The following NRCAM variants were observed in gnomAD, a reference collection of about 807,000 sequenced individuals.
NRCAM encodes NgCAM-related cell adhesion molecule.
A neutral mutation model predicts 156.5 loss-of-function variants in NRCAM; 83 were observed. The observed-to-expected ratio is 0.53, with a 90% CI of 0.44 to 0.64. The LOEUF (loss-of-function observed/expected upper bound fraction) is 0.64. Among genes scored for constraint, NRCAM ranks in the 30% least tolerant of loss-of-function variants. NRCAM has a pLI of 0.00. For missense variants in NRCAM, 1,417 were observed against 1,597.3 expected (o/e 0.89, Z 1.92); for synonymous variants, 538 against 563.9 (o/e 0.95, Z 0.65).
rs150391025 is a variant in NRCAM, at chr7:108,282,367, C to A, written c.-107+30298G>T. ...AAAGAAAGAAATCTATACACATTTT[C>A]TTTCTGGAGACATGATTACCAGAAA... is the stretch of plus-strand genomic sequence containing the variant. On this transcript the variant is annotated intron_variant, in intron 3 of 32. Transcript: ENST00000379028. Among the ~76,000 whole-genome samples, 1,169 of 152,258 alleles carry A rather than the reference C, an allele frequency of 7.7e-3. 61 individuals carry two copies. Among genetic ancestry groups the A allele is most frequent in the Admixed American group, 0.07 (1,073 of 15,296 alleles).
intron 2 of NRCAM, among the ~76,000 whole-genome samples, chr7:108,366,132 G>A (rs181000909): frequency 6.6e-6 from 1 of 152,266 alleles, no homozygotes; most frequent in Non-Finnish European, 1.5e-5. Context: ...ACCCTCACCA[G>A]TCACTGACTC....
chr7:108,253,528 A>C (rs1267071277), intron 3 of NRCAM, among the ~76,000 whole-genome samples: 2 of 152,234 alleles, frequency 1.3e-5, no homozygotes, highest in African/African-American at 4.8e-5. Flanking sequence ...GTGATGAGGC[A>C]GAAACGTAAA....
chr7:108,299,221 A>G (rs561506706), intron 3 of NRCAM, among the ~76,000 whole-genome samples: 1 of 151,344 alleles, frequency 6.6e-6, no homozygotes, highest in South Asian at 2.1e-4. Flanking sequence ...AAGTCACATC[A>G]AAGCAGCTAT....
intron 3 of NRCAM, among the ~76,000 whole-genome samples, chr7:108,259,520 T>A (rs1317679712): frequency 6.6e-6 from 1 of 152,142 alleles, no homozygotes; most frequent in East Asian, 1.9e-4. Context: ...TAGAAATCAT[T>A]CTATTATAAA....
At chr7:108,401,875 A>G (rs890359649) in intron 1 of NRCAM, among the ~76,000 whole-genome samples, 13 of 152,150 alleles carry the variant, frequency 8.5e-5, no homozygotes, top group African/African-American at 3.1e-4. Flanking sequence ...GCATCCTCAC[A>G]CTGGAAAGTG....
intron 23 of NRCAM, among the ~76,000 whole-genome samples, chr7:108,182,171 G>C (rs1305456617): frequency 6.6e-6 from 1 of 151,376 alleles, no homozygotes; most frequent in Non-Finnish European, 1.5e-5. Context: ...CTTGACTCAA[G>C]GGATCCTCCC....
chr7:108,429,612 CA>C (rs1409666678), intron 1 of NRCAM, among the ~76,000 whole-genome samples: 6 of 152,298 alleles, frequency 3.9e-5, no homozygotes, highest in East Asian at 3.9e-4. Context: ...TCAGGGTGCC[CA>C]TGATGTTTCC....
intron 22 of NRCAM, among the ~76,000 whole-genome samples, chr7:108,183,639 C>T (rs976605482): frequency 1.1e-4 from 16 of 151,592 alleles, no homozygotes; most frequent in African/African-American, 3.4e-4. Context: ...TGGGTTCAAG[C>T]GATTCTCCTG....
At chr7:108,359,321 A>G (rs1264939307) in intron 2 of NRCAM, among the ~76,000 whole-genome samples, 1 of 152,218 alleles carries the variant, frequency 6.6e-6, no homozygotes. Context: ...ACATAGCAAC[A>G]TAGATAATTA....
Position 108,191,809 on chromosome 7 carries a change from T to C in NRCAM, c.1823A>G (p.Asp608Gly). ...KDHLVVADVSDDDSGTYTCVA... is the reference protein window; with the variant it reads ...KDHLVVADVSGDDSGTYTCVA... ...ACACGTGTAGGTCCCGCTGTCATCG[T>C]CACTGACATCAGCTACCACTAGATG... The change falls in exon 18 of 33, where the codon GAC becomes GGC. Residue 608 changes from aspartate to glycine, a missense_variant. By Grantham distance (94) the Asp-to-Gly change is moderately conservative. Coordinates refer to ENST00000379028, the MANE Select transcript of NRCAM (RefSeq NM_001037132.4). The C allele has an allele frequency of 6.2e-7, 1 of 1,613,610 alleles. No homozygotes were observed. The highest frequency in any genetic ancestry group is 8.5e-7 in the Non-Finnish European group (1 of 1,179,876).
intron 1 of NRCAM, among the ~76,000 whole-genome samples, chr7:108,415,326 C>A (rs1379736324): frequency 6.6e-6 from 1 of 152,182 alleles, no homozygotes; most frequent in Admixed American, 6.5e-5. Context: ...TGTGGCCGCA[C>A]GTCTAATCAC....
intron 20 of NRCAM, among the ~76,000 whole-genome samples, chr7:108,187,974 G>A (rs2068231684): frequency 6.6e-6 from 1 of 152,016 alleles, no homozygotes; most frequent in Non-Finnish European, 1.5e-5. Flanking sequence ...AGAAGTGCAA[G>A]AGGTCTATTT....
At chr7:108,401,335 G>A (rs111513368) in intron 1 of NRCAM, among the ~76,000 whole-genome samples, 8,533 of 152,156 alleles carry the variant, frequency 0.056, 800 homozygotes, top group African/African-American at 0.2. Flanking sequence ...GAGCCCAGGA[G>A]TTCCAGACTA....
At chr7:108,396,138 A>G (rs940558950) in intron 2 of NRCAM, among the ~76,000 whole-genome samples, 1 of 152,234 alleles carries the variant, frequency 6.6e-6, no homozygotes, top group African/African-American at 2.4e-5. Context: ...TGTGTCTATC[A>G]TGCAGCGAAT....
At chr7:108,262,897 A>G (rs1454455400) in intron 3 of NRCAM, among the ~76,000 whole-genome samples, 1 of 152,184 alleles carries the variant, frequency 6.6e-6, no homozygotes, top group Non-Finnish European at 1.5e-5. Flanking sequence ...CCTTTGCCTC[A>G]TTAGAAGCAT....
intron 1 of NRCAM, among the ~76,000 whole-genome samples, chr7:108,433,976 T>C (rs1336865435): frequency 6.6e-6 from 1 of 152,194 alleles, no homozygotes; most frequent in East Asian, 1.9e-4. Flanking sequence ...TCTGGCATAA[T>C]GGAGTGAGGA....
rs114213972 is a variant in NRCAM at position 108,318,645 on chromosome 7, T to C, written c.-173-5914A>G. ...AAGTGACCATGAGTCTGTGTGTGTA[T>C]GAGTGCACATGTGTGTGTGGAGAAG... On this transcript the variant is annotated intron_variant, in intron 2 of 32. Coordinates refer to ENST00000379028, the MANE Select transcript of NRCAM (RefSeq NM_001037132.4). 5.7e-3 allele frequency among the ~76,000 whole-genome samples: 867 copies of C among 152,200 alleles called. 8 individuals are homozygous for C. The highest frequency in any genetic ancestry group is 0.02 in the African/African-American group (810 of 41,524).
At chr7:108,196,545 A>G (rs1009545396) in intron 14 of NRCAM, among the ~76,000 whole-genome samples, 2 of 152,234 alleles carry the variant, frequency 1.3e-5, no homozygotes, top group Admixed American at 1.3e-4. Context: ...AGTTCTCAAA[A>G]GAAGATATAC....
chr7:108,399,575 G>C lies in NRCAM; in HGVS notation c.-313C>G, dbSNP rs1472438586. 2.0e-5 allele frequency: 3 copies of C among 152,210 alleles called. No individual in the cohort carries two copies. Among genetic ancestry groups the C allele is most frequent in the Non-Finnish European group, 4.4e-5 (3 of 68,050 alleles). The allele number at this position is 152,210 out of a possible 1,614,324, so 9.4% of individuals were successfully genotyped here. A position where few individuals can be genotyped will look rare whatever the true frequency, so the allele number is the denominator to read the frequency against. On this transcript the variant is annotated 5_prime_UTR_variant, in exon 2 of 33. Transcript: ENST00000379028. ...AAACAGGGGATAAAGAATGCTGAGA[G>C]AGAATGTCACAAAGATTCCTGAAAA...
Sources: allele counts gnomAD v4.1 joint callset (sites outside exome capture counted in the v4.1 genomes callset), GRCh38; gene constraint gnomAD v4.1.1; transcripts MANE v1.5; gene names NCBI Gene and HGNC (gene_info 2026-07-23, HGNC 2026-07-21).